IL1RAPL2: variants seen among roughly 807,000 people sequenced by gnomAD.
IL1RAPL2 encodes X-linked interleukin-1 receptor accessory protein-like 2.
A neutral mutation model predicts 44.1 loss-of-function variants in IL1RAPL2; 3 were observed. The ratio of observed to expected loss-of-function variants is 0.07; its 90% CI spans 0.03 to 0.18. IL1RAPL2 has a LOEUF of 0.18. IL1RAPL2 is among the 10% of genes least tolerant of loss of function. IL1RAPL2 has a pLI of 1.00. For synonymous variants in IL1RAPL2, 181 were observed against 178.8 expected (o/e 1.01, Z -0.10); for missense variants, 391 against 496.4 (o/e 0.79, Z 2.02).
Position 104,693,665 on chromosome X carries a change from T to G in IL1RAPL2, c.82+34670T>G, listed in dbSNP as rs767272972. ...TTTCCTATTTTCAGAGAATTCACTT[T>G]GGTTATAAGAAGAACCTTGTAGCAG... On this transcript the variant is annotated intron_variant, in intron 2 of 10. Coordinates refer to ENST00000372582, the MANE Select transcript of IL1RAPL2 (RefSeq NM_017416.2). Among the ~76,000 whole-genome samples the G allele has an allele frequency of 4.5e-5, 5 of 112,156 alleles. No individual in the cohort carries two copies. The East Asian group carries it at 1.4e-3, about 32-fold the overall frequency.
chrX:105,047,880 T>G (rs897819755), intron 2 of IL1RAPL2, among the ~76,000 whole-genome samples: 3 of 111,380 alleles, frequency 2.7e-5, no homozygotes, highest in African/African-American at 9.8e-5. Flanking sequence ...AAACTTAATC[T>G]GGGAAAAGAA....
intron 2 of IL1RAPL2, among the ~76,000 whole-genome samples, chrX:104,905,287 T>C (rs1481023510): frequency 2.7e-5 from 3 of 111,919 alleles, no homozygotes; most frequent in Non-Finnish European, 5.6e-5. Context: ...TCTTTTGCTG[T>C]GCAGAAGCTC....
chrX:105,054,864 A>G (rs1034038725), intron 2 of IL1RAPL2, among the ~76,000 whole-genome samples: 2 of 112,327 alleles, frequency 1.8e-5, no homozygotes, highest in African/African-American at 6.5e-5. Flanking sequence ...CTTAAAGAAG[A>G]TATCTGAATT....
intron 2 of IL1RAPL2, among the ~76,000 whole-genome samples, chrX:105,167,833 T>G (rs2033384617): frequency 9.0e-6 from 1 of 110,790 alleles, no homozygotes; most frequent in Admixed American, 9.6e-5. Flanking sequence ...AGAGTATTTG[T>G]AGGTGCCAAG....
At position 104,836,540 on chromosome X, in the gene IL1RAPL2, C is replaced by T. The variant is rs188651812; in HGVS notation, c.82+177545C>T. On this transcript the variant is annotated intron_variant, in intron 2 of 10. Transcript: ENST00000372582. ...CTCATGTACCCCATAAATATACATA[C>T]CTACTATGTACCCACAAAAATTAAA... 6.3e-3 allele frequency among the ~76,000 whole-genome samples: 695 copies of T among 109,723 alleles called. 6 individuals are homozygous for T. Among genetic ancestry groups the T allele is most frequent in the African/African-American group, 0.022 (656 of 30,172 alleles).
intron 3 of IL1RAPL2, among the ~76,000 whole-genome samples, chrX:105,211,729 C>T (rs781881846): frequency 4.9e-4 from 54 of 111,290 alleles, no homozygotes; most frequent in South Asian, 3.5e-3. Context: ...CAGCTCCCAG[C>T]GAGAACAATG....
At chrX:104,623,432 G>A (rs991455926) in intron 1 of IL1RAPL2, among the ~76,000 whole-genome samples, 2 of 111,208 alleles carry the variant, frequency 1.8e-5, no homozygotes, top group East Asian at 5.7e-4. Context: ...GTTAAGAGTC[G>A]ATTGTGTACA....
At chrX:104,845,484 T>C (rs1485227196) in intron 2 of IL1RAPL2, among the ~76,000 whole-genome samples, 1 of 111,963 alleles carries the variant, frequency 8.9e-6, no homozygotes, top group Non-Finnish European at 1.9e-5. Context: ...TAAAGATTTT[T>C]AAAGAAAAAA....
At chrX:104,876,204 A>G (rs1042507611) in intron 2 of IL1RAPL2, among the ~76,000 whole-genome samples, 1 of 111,495 alleles carries the variant, frequency 9.0e-6, no homozygotes, top group Non-Finnish European at 1.9e-5. Context: ...TACATGTCAG[A>G]TCCCCCATAA....
chrX:105,318,057 C>G (rs1175515659), intron 5 of IL1RAPL2, among the ~76,000 whole-genome samples: 2 of 108,771 alleles, frequency 1.8e-5, no homozygotes, highest in African/African-American at 6.7e-5. Context: ...ACTGCAAGCT[C>G]CGCCTCCCGG....
intron 6 of IL1RAPL2, among the ~76,000 whole-genome samples, chrX:105,536,161 C>A (rs1335800988): frequency 9.1e-6 from 1 of 110,062 alleles, no homozygotes; most frequent in Non-Finnish European, 1.9e-5. Context: ...AAACCAGTTT[C>A]CCAGAGATAA....
At chrX:105,460,149 T>C (rs2036083612) in intron 5 of IL1RAPL2, among the ~76,000 whole-genome samples, 3 of 111,135 alleles carry the variant, frequency 2.7e-5, no homozygotes, top group Non-Finnish European at 5.7e-5. Flanking sequence ...TCCTTTTGTT[T>C]CTTCTTTCAT....
At chrX:105,525,891 C>T (rs934337696) in intron 6 of IL1RAPL2, among the ~76,000 whole-genome samples, 1 of 111,775 alleles carries the variant, frequency 8.9e-6, no homozygotes, top group Non-Finnish European at 1.9e-5. Flanking sequence ...TGTCCCATGG[C>T]ACCCTGCATC....
intron 2 of IL1RAPL2, among the ~76,000 whole-genome samples, chrX:105,156,479 A>G (rs2033269523): frequency 8.9e-6 from 1 of 112,021 alleles, no homozygotes; most frequent in East Asian, 2.8e-4. Context: ...TTACTTTAAG[A>G]TTCCTGGCTG....
chrX:104,896,956 A>G (rs1185647536), intron 2 of IL1RAPL2, among the ~76,000 whole-genome samples: 1 of 111,651 alleles, frequency 9.0e-6, no homozygotes, highest in African/African-American at 3.3e-5. Context: ...CCTGAAATCA[A>G]GAGATACCAT....
Position 105,199,592 on chromosome X carries a change from C to G in IL1RAPL2, c.356+3844C>G, listed in dbSNP as rs781841168. On this transcript the variant is annotated intron_variant, in intron 3 of 10. Transcript: ENST00000372582. ...GGGATAGTGGAACTTCCCAAGGTCC[C>G]TGAAGTCCTTTCCTATAGGTGGCTC... 2.7e-5 allele frequency among the ~76,000 whole-genome samples: 3 copies of G among 111,569 alleles called. 1 individual carries two copies. The South Asian group carries it at 1.1e-3, about 42-fold the overall frequency.
intron 2 of IL1RAPL2, among the ~76,000 whole-genome samples, chrX:104,774,583 T>C (rs943784371): frequency 7.1e-5 from 8 of 112,047 alleles, no homozygotes; most frequent in Non-Finnish European, 1.3e-4. Context: ...TCTGAATGCA[T>C]GTTTGTGCCT....
chrX:105,485,903 G>A (rs2036262906), intron 6 of IL1RAPL2, among the ~76,000 whole-genome samples: 1 of 112,075 alleles, frequency 8.9e-6, no homozygotes, highest in Admixed American at 9.5e-5. Flanking sequence ...ATTGTGAATA[G>A]TGCTGTAATA....
At chrX:105,664,999 T>A (rs2037748073) in intron 6 of IL1RAPL2, among the ~76,000 whole-genome samples, 1 of 112,243 alleles carries the variant, frequency 8.9e-6, no homozygotes, top group African/African-American at 3.2e-5. Flanking sequence ...TTAATAACAT[T>A]TTTTCTCTAG....
Sources: allele counts gnomAD v4.1 joint callset (sites outside exome capture counted in the v4.1 genomes callset), GRCh38; gene constraint gnomAD v4.1.1; transcripts MANE v1.5; gene names NCBI Gene and HGNC (gene_info 2026-07-23, HGNC 2026-07-21).